The following SIPA1L2 variants were observed in gnomAD, a reference collection of about 807,000 sequenced individuals.
SIPA1L2 encodes signal induced proliferation associated 1 like 2, also known as signal-induced proliferation-associated 1-like protein 2.
A neutral mutation model predicts 163.9 loss-of-function variants in SIPA1L2; 56 were observed. That is an observed-to-expected ratio of 0.34 (90% CI 0.28 to 0.43). The LOEUF is 0.43. SIPA1L2 is among the 20% of genes least tolerant of loss of function. The probability of loss-of-function intolerance (pLI) is 1.00; values close to 1 mark genes in which losing one functional copy is unlikely to be tolerated. For synonymous variants in SIPA1L2, 877 were observed against 865.7 expected, an observed-to-expected ratio of 1.01 and a Z score of -0.23; for missense variants, 1,974 against 2,193.5, an observed-to-expected ratio of 0.90 and a Z score of 2.00.
chr1:232,535,504 T>C (rs1175115395), intron 2 of SIPA1L2, among the ~76,000 whole-genome samples: 1 of 152,198 alleles, frequency 6.6e-6, no homozygotes, highest in Non-Finnish European at 1.5e-5. Context: ...TCAAGCCAAA[T>C]GTCTAGAAAT....
chr1:232,443,811 GC>G, intron 11 of SIPA1L2, 126 bp from the exon 12 acceptor site: 1 of 681,422 alleles, frequency 1.5e-6, no homozygotes, highest in South Asian at 2.4e-5. Context: ...AAAACATATT[GC>G]CATGTGAAAC....
chr1:232,477,988 C>G (rs1171013739), intron 7 of SIPA1L2, among the ~76,000 whole-genome samples: 1 of 152,146 alleles, frequency 6.6e-6, no homozygotes, highest in African/African-American at 2.4e-5. Flanking sequence ...GCTTGAGTAA[C>G]CCCTATCAGT....
At chr1:232,568,837 C>T (rs940076603) in intron 2 of SIPA1L2, among the ~76,000 whole-genome samples, 5 of 152,220 alleles carry the variant, frequency 3.3e-5, no homozygotes, top group Admixed American at 6.5e-5. Flanking sequence ...ACATGCCAGG[C>T]GCCCTGGAGG....
intron 16 of SIPA1L2, among the ~76,000 whole-genome samples, chr1:232,431,209 T>C (rs1209224211): frequency 6.6e-6 from 1 of 152,198 alleles, no homozygotes; most frequent in Non-Finnish European, 1.5e-5. Flanking sequence ...AGAAGACTCT[T>C]ATTAGACAGA....
At chr1:232,543,161 A>G (rs1168091943) in intron 2 of SIPA1L2, among the ~76,000 whole-genome samples, 2 of 152,236 alleles carry the variant, frequency 1.3e-5, no homozygotes, top group Non-Finnish European at 2.9e-5. Context: ...AATCGAATGA[A>G]GAGACGCACA....
At chr1:232,438,834 G>A (rs1440943194) in intron 15 of SIPA1L2, among the ~76,000 whole-genome samples, 1 of 151,918 alleles carries the variant, frequency 6.6e-6, no homozygotes, top group Non-Finnish European at 1.5e-5. Context: ...AGAGACATAA[G>A]TGGCCTGACT....
chr1:232,440,857 A>G (rs1662850334), intron 14 of SIPA1L2, among the ~76,000 whole-genome samples: 1 of 152,214 alleles, frequency 6.6e-6, no homozygotes, highest in Non-Finnish European at 1.5e-5. Context: ...GCGGTGCTCT[A>G]CCCTGACATG....
chr1:232,417,500 G>A (rs930641905), intron 18 of SIPA1L2, among the ~76,000 whole-genome samples: 18 of 152,128 alleles, frequency 1.2e-4, no homozygotes, highest in African/African-American at 4.3e-4. Context: ...TTAACCAGCA[G>A]AGGAGGGAAG....
chr1:232,552,352 T>C (rs540235584), intron 2 of SIPA1L2, among the ~76,000 whole-genome samples: 14 of 152,198 alleles, frequency 9.2e-5, no homozygotes, highest in South Asian at 2.1e-4. Context: ...CACTGACTTA[T>C]GGAACTGGTA....
chr1:232,571,385 TGC>T (rs1157842199), intron 2 of SIPA1L2, among the ~76,000 whole-genome samples: 1 of 152,228 alleles, frequency 6.6e-6, no homozygotes, highest in African/African-American at 2.4e-5. Flanking sequence ...TTTTTAAGTG[TGC>T]ATGTGGGTTT....
At chr1:232,613,848 G>A (rs1206329520) in intron 1 of SIPA1L2, among the ~76,000 whole-genome samples, 1 of 152,198 alleles carries the variant, frequency 6.6e-6, no homozygotes, top group Non-Finnish European at 1.5e-5. Flanking sequence ...GCAACAGGAA[G>A]CTAGGATGGG....
chr1:232,599,786 T>C (rs1291129314), intron 1 of SIPA1L2, among the ~76,000 whole-genome samples: 1 of 152,216 alleles, frequency 6.6e-6, no homozygotes, highest in Non-Finnish European at 1.5e-5. Flanking sequence ...TGCAATCACA[T>C]ACAGCAAGGC....
intron 18 of SIPA1L2, among the ~76,000 whole-genome samples, chr1:232,419,493 T>C (rs1661443386): frequency 6.6e-6 from 1 of 152,190 alleles, no homozygotes; most frequent in African/African-American, 2.4e-5. Context: ...GAGTCATGGG[T>C]GGATCCCTCA....
intron 9 of SIPA1L2, 109 bp downstream of exon 9, chr1:232,464,731 A>G: frequency 4.5e-6 from 4 of 887,334 alleles, no homozygotes; most frequent in Non-Finnish European, 6.7e-6. Flanking sequence ...ACAAATAGTA[A>G]TGCATTCCCT....
chr1:232,476,412 C>T (rs1665050623), intron 7 of SIPA1L2, among the ~76,000 whole-genome samples: 1 of 152,182 alleles, frequency 6.6e-6, no homozygotes, highest in Non-Finnish European at 1.5e-5. Flanking sequence ...GTGCCAGGCA[C>T]TGAGGCACCT....
At chr1:232,526,764 T>C (rs1386270308) in intron 2 of SIPA1L2, among the ~76,000 whole-genome samples, 1 of 152,202 alleles carries the variant, frequency 6.6e-6, no homozygotes, top group Non-Finnish European at 1.5e-5. Context: ...GTCACTCATC[T>C]GAGACTGTGC....
At chr1:232,440,839 C>G (rs771247030) in intron 14 of SIPA1L2, among the ~76,000 whole-genome samples, 2 of 152,216 alleles carry the variant, frequency 1.3e-5, no homozygotes, top group Non-Finnish European at 2.9e-5. Context: ...CTGAGAACTA[C>G]CACGTGGGCG....
At chr1:232,580,854 T>C (rs988186373) in intron 1 of SIPA1L2, among the ~76,000 whole-genome samples, 1 of 152,196 alleles carries the variant, frequency 6.6e-6, no homozygotes, top group East Asian at 1.9e-4. Flanking sequence ...CATCTTGAAA[T>C]ATGTCAAAGT....
intron 3 of SIPA1L2, among the ~76,000 whole-genome samples, chr1:232,507,742 T>C (rs1004387863): frequency 6.6e-6 from 1 of 152,194 alleles, no homozygotes; most frequent in African/African-American, 2.4e-5. Context: ...TCTGCCCAGA[T>C]CATGGCTGGT....
Sources: gnomAD v4.1 joint callset for allele counts (sites outside exome capture counted in the v4.1 genomes callset) on GRCh38, gnomAD v4.1.1 for gene constraint, MANE v1.5 for transcripts, NCBI Gene and HGNC (gene_info 2026-07-23, HGNC 2026-07-21) for gene names.